Variants in PTP4A3 observed in about 807,000 individuals in gnomAD.
PTP4A3 encodes the protein protein tyrosine phosphatase type IVA 3.
In PTP4A3, 9 loss-of-function variants were observed where a neutral mutation model predicts 15.2. The observed-to-expected ratio is 0.59, with a 90% CI of 0.36 to 1.03. The LOEUF (loss-of-function observed/expected upper bound fraction) is 1.03, where lower values mean the gene tolerates loss of function less well. Ranked by LOEUF, PTP4A3 falls within the 50% of genes least tolerant of loss-of-function variation. PTP4A3 has a pLI of 0.02. For synonymous variants in PTP4A3, 95 were observed against 102.0 expected, an observed-to-expected ratio of 0.93 and a Z score of 0.41; for missense variants, 234 against 252.1, an observed-to-expected ratio of 0.93 and a Z score of 0.49.
chr8:141,420,759 G>A (rs920564748), intron 1 of PTP4A3, among the ~76,000 whole-genome samples: 1 of 152,250 alleles, frequency 6.6e-6, no homozygotes, highest in Non-Finnish European at 1.5e-5. Context: ...GTGGACAGGG[G>A]GCTGCTGACA....
chr8:141,397,324 TG>T (rs1289558706), intron 1 of PTP4A3, among the ~76,000 whole-genome samples: 2 of 149,232 alleles, frequency 1.3e-5, no homozygotes, highest in African/African-American at 4.9e-5. Context: ...CTCCAGGCAG[TG>T]GGGGGCTCTC....
At chr8:141,402,611 G>A (rs1239575615) in intron 1 of PTP4A3, among the ~76,000 whole-genome samples, 1 of 152,162 alleles carries the variant, frequency 6.6e-6, no homozygotes, top group Non-Finnish European at 1.5e-5. Context: ...GGTGGAGTGG[G>A]GGCAGGCAGC....
intron 4 of PTP4A3, among the ~76,000 whole-genome samples, chr8:141,427,412 G>A (rs567249773): frequency 3.0e-4 from 46 of 152,212 alleles, no homozygotes; most frequent in African/African-American, 1.1e-3. Flanking sequence ...ATGGCAGCTG[G>A]GATCGGATGA....
rs375511892 is a variant in PTP4A3 at position 141,408,495 on chromosome 8, C to T, written c.-853-12893C>T. On this transcript the variant is annotated intron_variant, in intron 1 of 5. Coordinates refer to ENST00000521578, the MANE Select transcript of PTP4A3 (RefSeq NM_032611.3). ...TTAGCCGGTTGTGGTCATGGGCGCC[C>T]GTAATTCCAGCTACTTGGGAGGCTG... Among the ~76,000 whole-genome samples the T allele has an allele frequency of 1.4e-4, 22 of 151,970 alleles. No homozygotes were observed. The East Asian group carries it at 3.3e-3, about 23-fold the overall frequency.
In PTP4A3 at chr8:141,432,322, T is replaced by C. The variant is rs536538160; in HGVS notation, c.*1278T>C. On this transcript the variant is annotated 3_prime_UTR_variant, in exon 6 of 6. Coordinates refer to ENST00000521578, the MANE Select transcript of PTP4A3 (RefSeq NM_032611.3). Reference sequence around the variant, plus strand: ...CAGCCCTGCCCCCAAGACCGACAGATGGCTAAGGGGGCCGCAGACCTGGCT... The same window carrying C: ...CAGCCCTGCCCCCAAGACCGACAGACGGCTAAGGGGGCCGCAGACCTGGCT... The C allele has an allele frequency of 1.3e-5, 2 of 152,338 alleles. No individual in the cohort carries two copies. The highest frequency in any genetic ancestry group is 3.9e-4 in the East Asian group (2 of 5,174). 9.4% of individuals were successfully genotyped at this position (152,338 alleles called of 1,614,324 possible).
At chr8:141,402,782 A>T (rs1000739050) in intron 1 of PTP4A3, among the ~76,000 whole-genome samples, 1 of 142,478 alleles carries the variant, frequency 7.0e-6, no homozygotes, top group Non-Finnish European at 1.5e-5. Flanking sequence ...CCTACTCATG[A>T]TCGTCTTGAG....
In PTP4A3 at chr8:141,393,808, A is replaced by C. The variant is rs183240333; in HGVS notation, c.-854+1724A>C. Among the ~76,000 whole-genome samples, 1,005 of 152,330 alleles carry C rather than the reference A, an allele frequency of 6.6e-3. 10 individuals are homozygous for C. The highest frequency in any genetic ancestry group is 0.025 in the Admixed American group (390 of 15,298). ...GCACTGGACATGGGAGGCAGGAGGA[A>C]GGCCGGGAGGTGGGCAGCTTTCTCA... is the stretch of plus-strand genomic sequence containing the variant. On this transcript the variant is annotated intron_variant, in intron 1 of 5. Coordinates refer to ENST00000521578, the MANE Select transcript of PTP4A3 (RefSeq NM_032611.3).
intron 1 of PTP4A3, among the ~76,000 whole-genome samples, chr8:141,400,101 G>T (rs377190517): frequency 1.3e-5 from 2 of 152,184 alleles, no homozygotes; most frequent in South Asian, 4.1e-4. Flanking sequence ...ATTTCACCAT[G>T]TTAGCCGGGC....
intron 5 of PTP4A3, 96 bp from the exon 6 acceptor site, chr8:141,430,831 C>T (rs1053478057): frequency 8.2e-6 from 10 of 1,213,610 alleles, no homozygotes; most frequent in African/African-American, 1.5e-5. Flanking sequence ...GGCCTTACTC[C>T]AGCCCACTGC....
At chr8:141,426,171 G>T (rs1833569060) in intron 3 of PTP4A3, among the ~76,000 whole-genome samples, 1 of 152,242 alleles carries the variant, frequency 6.6e-6, no homozygotes, top group East Asian at 1.9e-4. Flanking sequence ...GGCCCAGCGG[G>T]CTCTCCCTGG....
Position 141,408,084 on chromosome 8 carries a change from C to G in PTP4A3, c.-853-13304C>G, listed in dbSNP as rs530190750. ...CTGCGCCGTGGCTGAGCCTTTACGA[C>G]GCCAGGAGAAGCGAAAGGAACCAGG... is the stretch of plus-strand genomic sequence containing the variant. On this transcript the variant is annotated intron_variant, in intron 1 of 5. Coordinates refer to ENST00000521578, the MANE Select transcript of PTP4A3 (RefSeq NM_032611.3). Among the ~76,000 whole-genome samples the G allele has an allele frequency of 3.9e-5, 6 of 152,232 alleles. No individual in the cohort carries two copies. The South Asian group carries it at 1.2e-3, about 32-fold the overall frequency.
At chr8:141,428,449 C>T (rs1158991826) in intron 5 of PTP4A3, among the ~76,000 whole-genome samples, 3 of 152,184 alleles carry the variant, frequency 2.0e-5, no homozygotes, top group Non-Finnish European at 4.4e-5. Context: ...GGAACGGATG[C>T]GGCACCTGAA....
At chr8:141,409,608 G>A (rs1832815610) in intron 1 of PTP4A3, among the ~76,000 whole-genome samples, 1 of 152,234 alleles carries the variant, frequency 6.6e-6, no homozygotes, top group Non-Finnish European at 1.5e-5. Context: ...CCTCTGGAAA[G>A]CGCCTGTGGA....
chr8:141,404,408 C>A (rs897502557), intron 1 of PTP4A3, among the ~76,000 whole-genome samples: 1 of 152,212 alleles, frequency 6.6e-6, no homozygotes, highest in African/African-American at 2.4e-5. Flanking sequence ...GGGGCAGGGC[C>A]CCCCAGCAGC....
At chr8:141,418,967 G>A (rs1833191855) in intron 1 of PTP4A3, among the ~76,000 whole-genome samples, 1 of 152,152 alleles carries the variant, frequency 6.6e-6, no homozygotes, top group African/African-American at 2.4e-5. Context: ...TCTCACCTGG[G>A]GCAGGGGTAG....
rs371438862 is a variant in PTP4A3 at position 141,422,233 on chromosome 8, G to A, written c.-8G>A. ...CCTTCTGCCCTGCCGGGCCCGTCGG[G>A]AGGCGCCATGGCTCGGATGAACCGC... On this transcript the variant is annotated 5_prime_UTR_variant, in exon 2 of 6. Coordinates refer to ENST00000521578, the MANE Select transcript of PTP4A3 (RefSeq NM_032611.3). 3 of 1,612,840 alleles carry A rather than the reference G, an allele frequency of 1.9e-6. No homozygotes were observed. The highest frequency in any genetic ancestry group is 2.7e-5 in the African/African-American group (2 of 74,938).
intron 2 of PTP4A3, 63 bp from the exon 3 acceptor site, chr8:141,424,985 G>T: frequency 7.1e-7 from 1 of 1,410,514 alleles, no homozygotes; most frequent in Non-Finnish European, 9.9e-7. Context: ...TGGTGAGTGG[G>T]TCCTGCCCCC....
chr8:141,392,179 G>C (rs1194974452), intron 1 of PTP4A3, 95 bp downstream of exon 1: 3 of 148,916 alleles, frequency 2.0e-5, no homozygotes, highest in Admixed American at 6.7e-5. Flanking sequence ...CGCCCGCTCC[G>C]GGCACGGCTT....
chr8:141,423,345 A>G (rs981586412), intron 2 of PTP4A3, among the ~76,000 whole-genome samples: 3 of 152,240 alleles, frequency 2.0e-5, no homozygotes, highest in Admixed American at 1.3e-4. Context: ...CGAGAACAGC[A>G]CGGTGAGTGG....
Sources: allele counts gnomAD v4.1 joint callset (sites outside exome capture counted in the v4.1 genomes callset), GRCh38; gene constraint gnomAD v4.1.1; transcripts MANE v1.5; gene names NCBI Gene and HGNC (gene_info 2026-07-23, HGNC 2026-07-21).